PPM1L: variants seen among roughly 807,000 people sequenced by gnomAD.
PPM1L encodes protein phosphatase 1L.
A neutral mutation model predicts 31.4 loss-of-function variants in PPM1L; 13 were observed. The ratio of observed to expected loss-of-function variants is 0.41; its 90% CI spans 0.27 to 0.66. The LOEUF (loss-of-function observed/expected upper bound fraction) is 0.66, where lower values mean the gene tolerates loss of function less well. Among genes scored for constraint, PPM1L ranks in the 30% least tolerant of loss-of-function variants. PPM1L has a pLI of 0.29. For synonymous variants in PPM1L, 184 were observed against 175.4 expected (o/e 1.05, Z -0.39); for missense variants, 326 against 453.7 (o/e 0.72, Z 2.56).
intron 1 of PPM1L, among the ~76,000 whole-genome samples, chr3:160,952,611 G>A (rs1371564173): frequency 2.0e-5 from 3 of 152,172 alleles, no homozygotes; most frequent in Non-Finnish European, 4.4e-5. Context: ...TCACAGGAGA[G>A]GGCCACTGAT....
At chr3:160,935,204 G>A (rs1017739492) in intron 1 of PPM1L, among the ~76,000 whole-genome samples, 7 of 152,146 alleles carry the variant, frequency 4.6e-5, no homozygotes, top group African/African-American at 1.4e-4. Flanking sequence ...GTCAGGGACT[G>A]CTCAACTTCT....
chr3:160,759,322 C>T (rs1008908454), intron 1 of PPM1L, among the ~76,000 whole-genome samples: 18 of 152,226 alleles, frequency 1.2e-4, no homozygotes, highest in African/African-American at 3.9e-4. Context: ...AACTAGGGCC[C>T]GTCTGTAATT....
At chr3:160,773,456 C>T (rs1253653785) in intron 1 of PPM1L, among the ~76,000 whole-genome samples, 1 of 152,086 alleles carries the variant, frequency 6.6e-6, no homozygotes, top group East Asian at 1.9e-4. Flanking sequence ...CTGAGAAGTA[C>T]AGCCTAGAAA....
In PPM1L at chr3:161,073,004, T is replaced by C. The variant is rs908744875; in HGVS notation, c.*3847T>C. Reference sequence around the variant, plus strand: ...ACTGTTAGATACTATGCCTGTTTAATTGCCTCTGGATTAAGTCATTGATAG... The same window carrying C: ...ACTGTTAGATACTATGCCTGTTTAACTGCCTCTGGATTAAGTCATTGATAG... On this transcript the variant is annotated 3_prime_UTR_variant, in exon 4 of 4. Transcript: ENST00000498165. 1.3e-5 allele frequency: 2 copies of C among 152,218 alleles called. No individual in the cohort carries two copies. Among genetic ancestry groups the C allele is most frequent in the African/African-American group, 4.8e-5 (2 of 41,452 alleles). The allele number at this position is 152,218 out of a possible 1,614,324, so 9.4% of individuals were successfully genotyped here.
chr3:161,019,081 G>A (rs2108070341), intron 2 of PPM1L, among the ~76,000 whole-genome samples: 1 of 152,280 alleles, frequency 6.6e-6, no homozygotes, highest in East Asian at 1.9e-4. Flanking sequence ...TGAACTAGAG[G>A]ATAAGATTAT....
chr3:160,942,845 C>A (rs1423201107), intron 1 of PPM1L, among the ~76,000 whole-genome samples: 1 of 151,916 alleles, frequency 6.6e-6, no homozygotes, highest in East Asian at 1.9e-4. Context: ...GGATTTTCTT[C>A]GAGTATATAA....
At chr3:160,821,854 A>T (rs182503764) in intron 1 of PPM1L, among the ~76,000 whole-genome samples, 439 of 134,798 alleles carry the variant, frequency 3.3e-3, no homozygotes, top group African/African-American at 4.5e-3. Context: ...TTCCTTTTTT[A>T]AAAAAAATTA....
chr3:160,972,974 G>GT (rs1443856586), intron 2 of PPM1L, among the ~76,000 whole-genome samples: 4 of 152,070 alleles, frequency 2.6e-5, no homozygotes, highest in African/African-American at 9.7e-5. Context: ...TTTTTCATGT[G>GT]TTTTTTGGCT....
At chr3:160,903,216 G>T (rs5005883) in intron 1 of PPM1L, among the ~76,000 whole-genome samples, 3,934 of 125,552 alleles carry the variant, frequency 0.031, 54 homozygotes, top group African/African-American at 0.045. Flanking sequence ...GTTTGTGTGT[G>T]TGTGTGTGTG....
At chr3:160,950,518 C>CA (rs1715548323) in intron 1 of PPM1L, among the ~76,000 whole-genome samples, 1 of 152,126 alleles carries the variant, frequency 6.6e-6, no homozygotes, top group Admixed American at 6.5e-5. Flanking sequence ...TTCTTAAAGT[C>CA]ATGTCAGATG....
At chr3:160,799,698 G>C (rs569255696) in intron 1 of PPM1L, among the ~76,000 whole-genome samples, 1 of 152,090 alleles carries the variant, frequency 6.6e-6, no homozygotes, top group African/African-American at 2.4e-5. Flanking sequence ...ATTTTGCCTG[G>C]AACATGTTCC....
chr3:161,005,941 G>C (rs1470917304), intron 2 of PPM1L, among the ~76,000 whole-genome samples: 1 of 151,792 alleles, frequency 6.6e-6, no homozygotes, highest in East Asian at 1.9e-4. Context: ...AGACCCAAAA[G>C]CTATAAATAT....
intron 1 of PPM1L, among the ~76,000 whole-genome samples, chr3:160,772,827 TC>T (rs1379317205): frequency 6.6e-6 from 1 of 152,146 alleles, no homozygotes; most frequent in Non-Finnish European, 1.5e-5. Context: ...CAGTATGTAG[TC>T]TTTTTTTCTG....
intron 1 of PPM1L, among the ~76,000 whole-genome samples, chr3:160,787,609 TCC>T (rs1482499202): frequency 6.6e-6 from 1 of 152,198 alleles, no homozygotes; most frequent in African/African-American, 2.4e-5. Flanking sequence ...TTTAACTAGG[TCC>T]CATTTGTCAA....
intron 2 of PPM1L, among the ~76,000 whole-genome samples, chr3:160,996,378 C>T (rs369024052): frequency 2.0e-5 from 3 of 152,084 alleles, no homozygotes; most frequent in Admixed American, 1.3e-4. Flanking sequence ...TGCAAAAATA[C>T]GGAACCCACC....
intron 2 of PPM1L, among the ~76,000 whole-genome samples, chr3:161,049,805 C>T (rs553879427): frequency 6.6e-6 from 1 of 152,288 alleles, no homozygotes; most frequent in Admixed American, 6.5e-5. Flanking sequence ...AACTCCTCCT[C>T]CTCACCAGCC....
At chr3:160,846,868 TA>T (rs1274213015) in intron 1 of PPM1L, among the ~76,000 whole-genome samples, 1 of 152,162 alleles carries the variant, frequency 6.6e-6, no homozygotes, top group East Asian at 1.9e-4. Context: ...ATTATTTATT[TA>T]TTTTTTACTA....
chr3:160,761,421 T>C (rs1364795503), intron 1 of PPM1L, among the ~76,000 whole-genome samples: 1 of 152,172 alleles, frequency 6.6e-6, no homozygotes. Context: ...TCATTTATTA[T>C]ATTATATAGT....
chr3:160,937,388 A>C (rs1715007109), intron 1 of PPM1L, among the ~76,000 whole-genome samples: 1 of 152,310 alleles, frequency 6.6e-6, no homozygotes, highest in East Asian at 1.9e-4. Flanking sequence ...TGGGAGGCTG[A>C]GGTGGGTGGA....
Sources: gnomAD v4.1 joint callset for allele counts (sites outside exome capture counted in the v4.1 genomes callset) on GRCh38, gnomAD v4.1.1 for gene constraint, MANE v1.5 for transcripts, NCBI Gene and HGNC (gene_info 2026-07-23, HGNC 2026-07-21) for gene names.